PRKG2: variants seen among roughly 807,000 people sequenced by gnomAD.
PRKG2 encodes protein kinase cGMP-dependent 2.
In PRKG2, 33 loss-of-function variants were observed where a neutral mutation model predicts 97.2. That is an observed-to-expected ratio of 0.34 (90% CI 0.26 to 0.45). The LOEUF is 0.45. Ranked by LOEUF, PRKG2 falls within the 20% of genes least tolerant of loss-of-function variation. The pLI is 1.00. For synonymous variants in PRKG2, 330 were observed against 321.8 expected (o/e 1.03, Z -0.27); for missense variants, 638 against 900.0 (o/e 0.71, Z 3.73).
intron 2 of PRKG2, among the ~76,000 whole-genome samples, chr4:81,196,788 C>T (rs1459221467): frequency 2.0e-5 from 3 of 151,934 alleles, no homozygotes; most frequent in African/African-American, 7.2e-5. Context: ...AGAAAGAAAC[C>T]TGTCACACAT....
intron 1 of PRKG2, among the ~76,000 whole-genome samples, chr4:81,214,112 G>A (rs1190493760): frequency 6.6e-6 from 1 of 150,914 alleles, no homozygotes; most frequent in Non-Finnish European, 1.5e-5. Context: ...TAAATATGGG[G>A]GTGTGGTGGG....
In PRKG2 at chr4:81,140,571, C is replaced by T; in HGVS notation, c.1506G>A (p.Lys502=). ...TKQQEHVYSE[K]RILEELCSPF... The stretch of plus-strand genomic sequence containing the variant: ...GAGAGCACAGCTCCTCTAGGATCCT[C>T]TTCTCTGAGTAGACATGCTCCTGCT... The change falls in exon 12 of 19, where the codon AAG becomes AAA. Residue 502 remains lysine (K), a synonymous_variant. Transcript: ENST00000264399. 6.2e-7 allele frequency: 1 copy of T among 1,611,438 alleles called. No individual in the cohort carries two copies. The highest frequency in any genetic ancestry group is 1.1e-5 in the South Asian group (1 of 90,648).
chr4:81,129,237 T>C (rs980805632), intron 14 of PRKG2, among the ~76,000 whole-genome samples: 2 of 152,246 alleles, frequency 1.3e-5, no homozygotes, highest in East Asian at 1.9e-4. Context: ...AATTATGTGG[T>C]CGATTTTAGA....
intron 14 of PRKG2, among the ~76,000 whole-genome samples, chr4:81,118,023 A>T (rs1277989541): frequency 2.0e-5 from 3 of 152,128 alleles, no homozygotes; most frequent in Admixed American, 6.6e-5. Flanking sequence ...AAACCCCACC[A>T]ACCACTAATC....
intron 15 of PRKG2, among the ~76,000 whole-genome samples, chr4:81,106,279 T>A (rs1401278087): frequency 1.6e-4 from 25 of 151,978 alleles, no homozygotes; most frequent in Admixed American, 1.6e-3. Context: ...GACGTATGAA[T>A]AAAGAGAGGG....
chr4:81,195,850 G>T lies in PRKG2; in HGVS notation c.461+8737C>A, dbSNP rs1029074012. On this transcript the variant is annotated intron_variant, in intron 2 of 18. Transcript: ENST00000264399. Reference sequence around the variant, plus strand: ...AGCATGGATGTACAAGATTTTTTATGCATGGCTTTACCTACCCGGCATAGC... The same window carrying T: ...AGCATGGATGTACAAGATTTTTTATTCATGGCTTTACCTACCCGGCATAGC... Among the ~76,000 whole-genome samples, 3 of 152,268 alleles carry T rather than the reference G, an allele frequency of 2.0e-5. No individual in the cohort carries two copies. The East Asian group carries it at 5.8e-4, about 29-fold the overall frequency.
intron 11 of PRKG2, among the ~76,000 whole-genome samples, chr4:81,141,365 G>A (rs1747270141): frequency 6.6e-6 from 1 of 152,060 alleles, no homozygotes; most frequent in Admixed American, 6.6e-5. Flanking sequence ...ATGAGGTTAT[G>A]TAAATTTAAA....
intron 5 of PRKG2, among the ~76,000 whole-genome samples, chr4:81,169,221 CTA>C (rs1047290895): frequency 6.6e-6 from 1 of 151,946 alleles, no homozygotes; most frequent in African/African-American, 2.4e-5. Context: ...GATGGCGTGA[CTA>C]TGCAAATAAG....
intron 14 of PRKG2, among the ~76,000 whole-genome samples, chr4:81,116,021 A>G (rs1744479010): frequency 1.3e-5 from 2 of 152,166 alleles, no homozygotes; most frequent in Non-Finnish European, 2.9e-5. Flanking sequence ...TAAACTCTCT[A>G]TTTGAATCTT....
intron 15 of PRKG2, among the ~76,000 whole-genome samples, chr4:81,110,009 G>C (rs1743739223): frequency 6.6e-6 from 1 of 152,122 alleles, no homozygotes; most frequent in African/African-American, 2.4e-5. Context: ...TAGCATTTCT[G>C]GTTAATGATA....
chr4:81,135,309 C>A lies in PRKG2; in HGVS notation c.1635-13G>T. ...ATCAAAGCTGCCTCTGCAACGAAAT[C>A]ATTTTCCCTCTTAATACTTTGGATA... On this transcript the variant is annotated splice_polypyrimidine_tract_variant and intron_variant, in intron 13 of 18. Coordinates refer to ENST00000264399, the MANE Select transcript of PRKG2 (RefSeq NM_006259.3). 1 of 1,611,276 alleles carries A rather than the reference C, an allele frequency of 6.2e-7. No homozygotes were observed. Among genetic ancestry groups the A allele is most frequent in the South Asian group, 1.1e-5 (1 of 90,480 alleles).
chr4:81,153,868 A>T, intron 6 of PRKG2, 147 bp from the exon 7 acceptor site: 1 of 596,870 alleles, frequency 1.7e-6, no homozygotes. Flanking sequence ...GGTTCATCTC[A>T]CTAGGGAGTG....
At chr4:81,167,121 T>C (rs1750054282) in intron 6 of PRKG2, 40 bp downstream of exon 6, 2 of 1,320,998 alleles carry the variant, frequency 1.5e-6, no homozygotes, top group African/African-American at 1.5e-5. Flanking sequence ...CATTCTAATA[T>C]CTTCTAATGA....
intron 14 of PRKG2, among the ~76,000 whole-genome samples, chr4:81,123,606 A>T (rs1745276477): frequency 6.6e-6 from 1 of 152,094 alleles, no homozygotes; most frequent in South Asian, 2.1e-4. Context: ...GGGTTTCACC[A>T]TGTTAGACAG....
chr4:81,194,504 T>C (rs189890216), intron 2 of PRKG2, among the ~76,000 whole-genome samples: 21 of 152,304 alleles, frequency 1.4e-4, no homozygotes, highest in Middle Eastern at 3.4e-3. Flanking sequence ...AGCATGACTT[T>C]CTTCTCTCAA....
intron 2 of PRKG2, among the ~76,000 whole-genome samples, chr4:81,180,319 C>T (rs993770548): frequency 1.3e-5 from 2 of 151,726 alleles, no homozygotes; most frequent in Admixed American, 1.3e-4. Context: ...ATACCAAATA[C>T]CCCAATTAAA....
chr4:81,126,364 C>T (rs925136917), intron 14 of PRKG2, among the ~76,000 whole-genome samples: 10 of 151,976 alleles, frequency 6.6e-5, no homozygotes, highest in African/African-American at 9.7e-5. Flanking sequence ...TATAGTAGAA[C>T]GATTTATAAT....
intron 9 of PRKG2, among the ~76,000 whole-genome samples, chr4:81,148,285 GA>G (rs1748051657): frequency 6.6e-6 from 1 of 152,040 alleles, no homozygotes; most frequent in Non-Finnish European, 1.5e-5. Context: ...TAGATAACCA[GA>G]AATATTGAGT....
At chr4:81,100,552 C>A (rs953802131) in intron 17 of PRKG2, among the ~76,000 whole-genome samples, 1 of 152,032 alleles carries the variant, frequency 6.6e-6, no homozygotes, top group Admixed American at 6.6e-5. Context: ...ACACCTTATA[C>A]AAAAATTAAT....
Sources: gnomAD v4.1 joint callset for allele counts (sites outside exome capture counted in the v4.1 genomes callset) on GRCh38, gnomAD v4.1.1 for gene constraint, MANE v1.5 for transcripts, NCBI Gene and HGNC (gene_info 2026-07-23, HGNC 2026-07-21) for gene names.